The following UGT2B11 variants were observed in gnomAD, a reference collection of about 807,000 sequenced individuals.
UGT2B11 encodes UDP-glucuronosyltransferase 2B11.
In UGT2B11, 49 loss-of-function variants were observed where a neutral mutation model predicts 51.7. That is an observed-to-expected ratio of 0.95 (90% CI 0.75 to 1.20). The LOEUF is 1.20. Ranked by LOEUF, UGT2B11 falls within the 50% of genes most tolerant of loss-of-function variation. The pLI is 0.00. For missense variants in UGT2B11, 810 were observed against 622.1 expected, an observed-to-expected ratio of 1.30 and a Z score of -3.21; for synonymous variants, 273 against 209.0, an observed-to-expected ratio of 1.31 and a Z score of -2.64.
chr4:69,221,104 A>T, the UGT2B11 span, among the ~76,000 whole-genome samples: 13,255 of 152,212 alleles, frequency 0.087, 861 homozygotes, highest in South Asian at 0.16. Flanking sequence ...TGTTCAGTAT[A>T]TATGGACATG....
upstream of UGT2B11, among the ~76,000 whole-genome samples, chr4:69,217,252 C>T (rs1352839227): frequency 1.3e-5 from 2 of 152,158 alleles, no homozygotes; most frequent in African/African-American, 2.4e-5. Flanking sequence ...TTTAAAAAGT[C>T]TCACCAGAAA....
chr4:69,200,602 A>G lies in UGT2B11; in HGVS notation c.1428T>C (p.Leu476=), dbSNP rs1377715527. ...FVMPHKGAKH[L]RVAAHDLTWF... Reference sequence around the variant, plus strand: ...AGGTGAGGTCATGGGCTGCAACTCGAAGGTGTTTGGCTCCTTTGTGGGGCA... The same window carrying G: ...AGGTGAGGTCATGGGCTGCAACTCGGAGGTGTTTGGCTCCTTTGTGGGGCA... Residue 476 remains leucine (L), a synonymous_variant, in exon 6 of 6, where the codon CTT becomes CTC. Coordinates refer to ENST00000446444, the MANE Select transcript of UGT2B11 (RefSeq NM_001073.3). The G allele has an allele frequency of 6.2e-7, 1 of 1,612,458 alleles. No individual in the cohort carries two copies. Among genetic ancestry groups the G allele is most frequent in the East Asian group, 2.2e-5 (1 of 44,742 alleles).
chr4:69,223,523 G>C, the UGT2B11 span, among the ~76,000 whole-genome samples: 1 of 152,284 alleles, frequency 6.6e-6, no homozygotes, highest in African/African-American at 2.4e-5. Context: ...GATTTATTGT[G>C]GTCCTTCTGC....
At chr4:69,217,378 T>C (rs1722300280), upstream of UGT2B11, among the ~76,000 whole-genome samples, 1 of 152,162 alleles carries the variant, frequency 6.6e-6, no homozygotes, top group South Asian at 2.1e-4. Flanking sequence ...CTCAAAAGGA[T>C]GTTGGAACAC....
At chr4:69,207,687 C>T (rs1283384404) in intron 3 of UGT2B11, among the ~76,000 whole-genome samples, 1 of 151,594 alleles carries the variant, frequency 6.6e-6, no homozygotes, top group Non-Finnish European at 1.5e-5. Flanking sequence ...CTGCTTCAGG[C>T]AGTGTTCTCT....
the UGT2B11 span, among the ~76,000 whole-genome samples, chr4:69,221,738 A>G: frequency 6.6e-6 from 1 of 152,180 alleles, no homozygotes; most frequent in Non-Finnish European, 1.5e-5. Flanking sequence ...GCAAGAGGTT[A>G]AAACTGAGAA....
chr4:69,215,480 A>G (rs1351714378), upstream of UGT2B11: 3 of 152,022 alleles, frequency 2.0e-5, no homozygotes, highest in African/African-American at 7.2e-5. Context: ...TTATTGCCAA[A>G]TTGTATCAGA....
intron 3 of UGT2B11, 40 bp from the exon 4 acceptor site, chr4:69,205,607 C>A: frequency 1.3e-6 from 2 of 1,590,528 alleles, no homozygotes; most frequent in East Asian, 2.3e-5. Flanking sequence ...ATGAGTGGAA[C>A]TCAAAAATTA....
chr4:69,205,190 T>C (rs908523975), intron 4 of UGT2B11, among the ~76,000 whole-genome samples: 1 of 151,574 alleles, frequency 6.6e-6, no homozygotes, highest in African/African-American at 2.4e-5. Context: ...AAAACAGGTG[T>C]AAAATTGTAG....
Position 69,210,504 on chromosome 4 carries a change from G to A in UGT2B11, c.871-2022C>T, listed in dbSNP as rs538545210. On this transcript the variant is annotated intron_variant, in intron 2 of 5. Transcript: ENST00000446444. Reference sequence around the variant, plus strand: ...TTAAATAGCTGGTTTCACAACCGTTGACTTGCATTCAAAGCTTTCTGCAAG... The same window carrying A: ...TTAAATAGCTGGTTTCACAACCGTTAACTTGCATTCAAAGCTTTCTGCAAG... Among the ~76,000 whole-genome samples, 6 of 151,696 alleles carry A rather than the reference G, an allele frequency of 4.0e-5. No individual in the cohort carries two copies. In the South Asian group the frequency reaches 1.2e-3, roughly 31 times the overall value.
intron 2 of UGT2B11, among the ~76,000 whole-genome samples, chr4:69,208,894 A>G: frequency 6.6e-6 from 1 of 151,638 alleles, no homozygotes; most frequent in Non-Finnish European, 1.5e-5. Flanking sequence ...TGTTTATTTC[A>G]GGCATGTTTT....
At chr4:69,206,183 G>A (rs1164019892) in intron 3 of UGT2B11, among the ~76,000 whole-genome samples, 1 of 151,324 alleles carries the variant, frequency 6.6e-6, no homozygotes, top group African/African-American at 2.4e-5. Flanking sequence ...ATATATGTTA[G>A]TTGCAGTACT....
At chr4:69,203,004 A>G (rs1721714531) in intron 5 of UGT2B11, among the ~76,000 whole-genome samples, 1 of 151,664 alleles carries the variant, frequency 6.6e-6, no homozygotes, top group Middle Eastern at 3.2e-3. Context: ...TGGGGAGTGA[A>G]CAAAATCAAT....
chr4:69,224,464 A>G, the UGT2B11 span, among the ~76,000 whole-genome samples: 1 of 152,092 alleles, frequency 6.6e-6, no homozygotes, highest in Admixed American at 6.5e-5. Context: ...GCCTTTTTCC[A>G]GAGAGCCTGA....
At chr4:69,204,068 T>C (rs537393236) in intron 5 of UGT2B11, among the ~76,000 whole-genome samples, 2 of 151,654 alleles carry the variant, frequency 1.3e-5, no homozygotes, top group Non-Finnish European at 3.0e-5. Context: ...AAAATAGTTA[T>C]ATTCTGAGTC....
the UGT2B11 span, among the ~76,000 whole-genome samples, chr4:69,224,261 G>T: frequency 6.6e-6 from 1 of 152,124 alleles, no homozygotes; most frequent in South Asian, 2.1e-4. Flanking sequence ...AAGATGTGGT[G>T]GTCTCACACT....
At chr4:69,224,618 A>G in the UGT2B11 span, among the ~76,000 whole-genome samples, 1 of 152,088 alleles carries the variant, frequency 6.6e-6, no homozygotes, top group African/African-American at 2.4e-5. Context: ...GACGATGTAA[A>G]TGCCTTTCCT....
the UGT2B11 span, among the ~76,000 whole-genome samples, chr4:69,224,656 A>T: frequency 6.6e-6 from 1 of 151,990 alleles, no homozygotes; most frequent in Non-Finnish European, 1.5e-5. Flanking sequence ...GTTCACCAAA[A>T]ATGTAATGCC....
chr4:69,223,582 C>T, the UGT2B11 span, among the ~76,000 whole-genome samples: 7 of 152,188 alleles, frequency 4.6e-5, no homozygotes, highest in African/African-American at 1.7e-4. Context: ...ACTGAGGCAC[C>T]ACTGATGCCT....
Sources: gnomAD v4.1 joint callset for allele counts (sites outside exome capture counted in the v4.1 genomes callset) on GRCh38, gnomAD v4.1.1 for gene constraint, MANE v1.5 for transcripts, NCBI Gene and HGNC (gene_info 2026-07-23, HGNC 2026-07-21) for gene names.